The following SVIL variants were observed in gnomAD, a reference collection of about 807,000 sequenced individuals.
SVIL encodes supervillin.
Under a neutral mutation model 240.4 loss-of-function variants are expected in SVIL, and 101 were observed. That is an observed-to-expected ratio of 0.42 (90% CI 0.36 to 0.50). SVIL has a LOEUF of 0.50. Among genes scored for constraint, SVIL ranks in the 20% least tolerant of loss-of-function variants. The pLI is 0.01. For missense variants in SVIL, 2,512 were observed against 2,818.7 expected (o/e 0.89, Z 2.46); for synonymous variants, 999 against 1,100.0 (o/e 0.91, Z 1.82).
rs576712108 is a variant in SVIL at position 29,529,292 on chromosome 10, G to GT, written c.2246+412dup. 8.7e-4 allele frequency among the ~76,000 whole-genome samples: 132 copies of GT among 151,880 alleles called. 3 individuals are homozygous for GT. The South Asian group carries it at 0.015, about 17-fold the overall frequency. On this transcript the variant is annotated intron_variant, in intron 12 of 37. Coordinates refer to ENST00000355867, the MANE Select transcript of SVIL (RefSeq NM_021738.3). ...TACTGGGATATTTATGGATGAAATG[G>GT]TAAGACCTCTAGTGTTTGCTTGAAA...
At chr10:29,481,957 T>C (rs1014846986) in intron 27 of SVIL, among the ~76,000 whole-genome samples, 1 of 152,120 alleles carries the variant, frequency 6.6e-6, no homozygotes, top group African/African-American at 2.4e-5. Context: ...TTGATGTGCC[T>C]GAATGTGACA....
chr10:29,584,119 A>G (rs915850458), intron 1 of SVIL, among the ~76,000 whole-genome samples: 2 of 152,162 alleles, frequency 1.3e-5, no homozygotes, highest in Non-Finnish European at 2.9e-5. Flanking sequence ...TGTGGAGGAG[A>G]TGATGGCAAT....
chr10:29,503,380 T>A (rs1949044269), intron 17 of SVIL, among the ~76,000 whole-genome samples: 1 of 152,380 alleles, frequency 6.6e-6, no homozygotes, highest in South Asian at 2.1e-4. Flanking sequence ...CTTTTTCTGG[T>A]ACAGCCCTGA....
At chr10:29,473,580 C>T (rs575551383) in intron 30 of SVIL, 2 of 526,566 alleles carry the variant, frequency 3.8e-6, no homozygotes, top group South Asian at 5.0e-5. Flanking sequence ...CACCCATTGG[C>T]CATCTGCACT....
At position 29,633,077 on chromosome 10, in the gene SVIL, C is replaced by CA. The variant is rs530401262; in HGVS notation, c.-201+1342dup. ...TGAAACCCCGTCTCTACTAAAAATA[C>CA]AAAAAAAAATTAGCTGGATATGGTG... On this transcript the variant is annotated intron_variant, in intron 1 of 37. Transcript: ENST00000355867. Among the ~76,000 whole-genome samples, 758 of 151,036 alleles carry CA rather than the reference C, an allele frequency of 5.0e-3. 5 individuals are homozygous for CA. The highest frequency in any genetic ancestry group is 0.018 in the African/African-American group (724 of 41,198).
At chr10:29,676,975 A>G (rs1960252173) in intron 2 of SVIL, among the ~76,000 whole-genome samples, 1 of 152,202 alleles carries the variant, frequency 6.6e-6, no homozygotes, top group African/African-American at 2.4e-5. Flanking sequence ...ACTTACGGAC[A>G]TTTCTAAATA....
chr10:29,472,115 A>C (rs1305770635), intron 30 of SVIL, among the ~76,000 whole-genome samples: 1 of 152,212 alleles, frequency 6.6e-6, no homozygotes, highest in African/African-American at 2.4e-5. Context: ...GTCTCAAAAA[A>C]ATGATACAAA....
intron 1 of SVIL, among the ~76,000 whole-genome samples, chr10:29,578,102 T>A (rs1955783689): frequency 6.6e-6 from 1 of 152,218 alleles, no homozygotes; most frequent in South Asian, 2.1e-4. Context: ...AAACCAGGGT[T>A]GAAACTCCAT....
At chr10:29,496,566 T>G (rs2132422791) in intron 18 of SVIL, 1 of 353,718 alleles carries the variant, frequency 2.8e-6, no homozygotes. Context: ...TGGCTCCCCC[T>G]GCTGGCGGTT....
chr10:29,578,707 C>T (rs568572960), intron 1 of SVIL, among the ~76,000 whole-genome samples: 5 of 152,310 alleles, frequency 3.3e-5, no homozygotes, highest in East Asian at 1.9e-4. Context: ...TGCACACTTC[C>T]GGGTGCATTT....
At chr10:29,657,602 T>C (rs1368061233) in intron 3 of SVIL, among the ~76,000 whole-genome samples, 1 of 152,116 alleles carries the variant, frequency 6.6e-6, no homozygotes, top group Non-Finnish European at 1.5e-5. Flanking sequence ...TCTGCTCCTA[T>C]GTAAAGGTCC....
chr10:29,696,793 T>C (rs558448157), intron 1 of SVIL, among the ~76,000 whole-genome samples: 2,465 of 150,464 alleles, frequency 0.016, 80 homozygotes, highest in African/African-American at 0.057. Flanking sequence ...CATCTCCGCC[T>C]GGCAGCCACC....
intron 1 of SVIL, among the ~76,000 whole-genome samples, chr10:29,709,245 G>A (rs920267807): frequency 9.2e-5 from 14 of 152,174 alleles, no homozygotes; most frequent in African/African-American, 3.4e-4. Flanking sequence ...TACCAGCTGA[G>A]CATCTCTAAT....
intron 1 of SVIL, among the ~76,000 whole-genome samples, chr10:29,585,711 T>C (rs145816826): frequency 1.8e-3 from 278 of 152,270 alleles, no homozygotes; most frequent in African/African-American, 6.3e-3. Context: ...AGCGTCCCTG[T>C]TCTCATGCAG....
chr10:29,556,512 T>C (rs1953951879), intron 3 of SVIL, among the ~76,000 whole-genome samples: 1 of 152,210 alleles, frequency 6.6e-6, no homozygotes, highest in Non-Finnish European at 1.5e-5. Flanking sequence ...CTTGTTTTTC[T>C]TCATTTATTT....
In SVIL at chr10:29,537,876, C is replaced by G. The variant is rs140168724; in HGVS notation, c.828-1807G>C. Among the ~76,000 whole-genome samples the G allele has an allele frequency of 2.3e-4, 35 of 152,298 alleles. No individual in the cohort carries two copies. In the East Asian group the frequency reaches 6.4e-3, roughly 28 times the overall value. ...GCTACTCCTAAAACTATCACCCCAC[C>G]TCCCCATCCTCTGCATCACATCAAT... On this transcript the variant is annotated intron_variant, in intron 6 of 37. Transcript: ENST00000355867.
chr10:29,497,868 G>A (rs372887173), intron 18 of SVIL, among the ~76,000 whole-genome samples: 35 of 151,872 alleles, frequency 2.3e-4, no homozygotes, highest in East Asian at 7.7e-4. Flanking sequence ...AATCACCTGA[G>A]GTCAGGAGTT....
rs561515798 is a variant in SVIL, at chr10:29,464,228, G to A, written c.6134-593C>T. Among the ~76,000 whole-genome samples the A allele has an allele frequency of 3.3e-5, 5 of 152,148 alleles. No individual in the cohort carries two copies. In the East Asian group the frequency reaches 5.8e-4, roughly 18 times the overall value. On this transcript the variant is annotated intron_variant, in intron 34 of 37. Transcript: ENST00000355867. ...GAGGAGGAAGGACTGCTTGAGCCCG[G>A]AGGTTGAAGACCAGCCTGGGCCACA...
chr10:29,686,147 A>T (rs1174929389), intron 2 of SVIL, among the ~76,000 whole-genome samples: 1 of 152,236 alleles, frequency 6.6e-6, no homozygotes, highest in Non-Finnish European at 1.5e-5. Flanking sequence ...AAATAAACTG[A>T]TACTTTCAGA....
Sources: gnomAD v4.1 joint callset for allele counts (sites outside exome capture counted in the v4.1 genomes callset) on GRCh38, gnomAD v4.1.1 for gene constraint, MANE v1.5 for transcripts, NCBI Gene and HGNC (gene_info 2026-07-23, HGNC 2026-07-21) for gene names.